The following ZNF804B variants were observed in gnomAD, a reference collection of about 807,000 sequenced individuals.
ZNF804B encodes the protein zinc finger 804B.
Under a neutral mutation model 101.4 loss-of-function variants are expected in ZNF804B, and 80 were observed. The ratio of observed to expected loss-of-function variants is 0.79; its 90% CI spans 0.66 to 0.95. ZNF804B has a LOEUF of 0.95. Ranked by LOEUF, ZNF804B falls within the 40% of genes least tolerant of loss-of-function variation. The probability of loss-of-function intolerance (pLI) is 0.00; values close to 1 mark genes in which losing one functional copy is unlikely to be tolerated. For missense variants in ZNF804B, 1,673 were observed against 1,561.9 expected, an observed-to-expected ratio of 1.07 and a Z score of -1.20; for synonymous variants, 622 against 558.8, an observed-to-expected ratio of 1.11 and a Z score of -1.59.
chr7:89,054,279 A>G (rs1323458510), intron 1 of ZNF804B, among the ~76,000 whole-genome samples: 1 of 147,996 alleles, frequency 6.8e-6, no homozygotes, highest in African/African-American at 2.4e-5. Context: ...ATATTCATAT[A>G]TACTTATATA....
At chr7:89,156,056 C>CT (rs1790964794) in intron 1 of ZNF804B, among the ~76,000 whole-genome samples, 1 of 77,216 alleles carries the variant, frequency 1.3e-5, no homozygotes, top group African/African-American at 4.5e-5. Context: ...TTCTTTCTTT[C>CT]TTTCTTTCTT....
At chr7:88,945,206 G>A (rs1215798615) in intron 1 of ZNF804B, among the ~76,000 whole-genome samples, 1 of 152,006 alleles carries the variant, frequency 6.6e-6, no homozygotes, top group African/African-American at 2.4e-5. Context: ...TCCTTCTAGG[G>A]TTTTTATGGC....
intron 2 of ZNF804B, among the ~76,000 whole-genome samples, chr7:89,222,231 A>G (rs906224964): frequency 6.6e-6 from 1 of 151,986 alleles, no homozygotes; most frequent in African/African-American, 2.4e-5. Flanking sequence ...CTTGGGGATC[A>G]CTTTAGAAAT....
At chr7:89,223,210 T>C (rs1426110629) in intron 2 of ZNF804B, among the ~76,000 whole-genome samples, 2 of 151,898 alleles carry the variant, frequency 1.3e-5, no homozygotes, top group African/African-American at 4.8e-5. Flanking sequence ...GCTGGCTTCT[T>C]CTGTTGACCT....
chr7:89,090,322 T>C (rs1316643756), intron 1 of ZNF804B, among the ~76,000 whole-genome samples: 2 of 151,978 alleles, frequency 1.3e-5, no homozygotes, highest in Non-Finnish European at 2.9e-5. Flanking sequence ...TAAGTAAATA[T>C]GAAAATTTTT....
chr7:89,126,052 C>A (rs1790470817), intron 1 of ZNF804B, among the ~76,000 whole-genome samples: 3 of 151,722 alleles, frequency 2.0e-5, no homozygotes, highest in African/African-American at 7.3e-5. Flanking sequence ...TTGTCCATGG[C>A]AATTCAACTG....
intron 1 of ZNF804B, among the ~76,000 whole-genome samples, chr7:88,771,244 A>C (rs2115631718): frequency 6.6e-6 from 1 of 152,264 alleles, no homozygotes; most frequent in East Asian, 1.9e-4. Context: ...CATTAGTTTT[A>C]AATAAAATGT....
intron 1 of ZNF804B, among the ~76,000 whole-genome samples, chr7:88,880,050 G>GA (rs35762260): frequency 0.47 from 67,923 of 144,948 alleles, 17,114 homozygotes; most frequent in African/African-American, 0.69. Context: ...TCTTAAAAAA[G>GA]AAAAAAAAAA....
At chr7:88,819,619 G>A (rs1790943352) in intron 1 of ZNF804B, among the ~76,000 whole-genome samples, 1 of 152,068 alleles carries the variant, frequency 6.6e-6, no homozygotes, top group African/African-American at 2.4e-5. Flanking sequence ...ACACAAAAGT[G>A]CTAAGTGTAT....
chr7:88,925,109 C>G (rs1792776805), intron 1 of ZNF804B, among the ~76,000 whole-genome samples: 1 of 152,238 alleles, frequency 6.6e-6, no homozygotes, highest in African/African-American at 2.4e-5. Context: ...TATCAGTGGA[C>G]TCTTCATTAT....
At chr7:88,896,083 G>A (rs1245043202) in intron 1 of ZNF804B, among the ~76,000 whole-genome samples, 1 of 152,114 alleles carries the variant, frequency 6.6e-6, no homozygotes, top group Admixed American at 6.5e-5. Flanking sequence ...ACTACCTTAG[G>A]CAGGTGATTA....
intron 1 of ZNF804B, among the ~76,000 whole-genome samples, chr7:89,009,376 A>C (rs1562858466): frequency 6.6e-6 from 1 of 152,154 alleles, no homozygotes; most frequent in Non-Finnish European, 1.5e-5. Context: ...TCTCAATTTC[A>C]ATCACATAAT....
chr7:89,332,903 A>C (rs1474145667), intron 3 of ZNF804B, among the ~76,000 whole-genome samples: 1 of 151,886 alleles, frequency 6.6e-6, no homozygotes, highest in African/African-American at 2.4e-5. Flanking sequence ...AAACCCAAGG[A>C]GCTAAACATT....
chr7:89,162,386 C>A (rs912517182), intron 1 of ZNF804B, among the ~76,000 whole-genome samples: 3 of 152,028 alleles, frequency 2.0e-5, no homozygotes, highest in Non-Finnish European at 4.4e-5. Context: ...TCTGTCTAAC[C>A]AAAGTCAAAT....
At chr7:88,980,177 C>T (rs1269802905) in intron 1 of ZNF804B, among the ~76,000 whole-genome samples, 1 of 151,792 alleles carries the variant, frequency 6.6e-6, no homozygotes, top group East Asian at 1.9e-4. Flanking sequence ...CTCTTTATTA[C>T]AATTATCTGG....
At chr7:89,207,984 T>C (rs1214259989) in intron 1 of ZNF804B, among the ~76,000 whole-genome samples, 1 of 152,162 alleles carries the variant, frequency 6.6e-6, no homozygotes, top group Non-Finnish European at 1.5e-5. Flanking sequence ...TGTTCTGTAT[T>C]AGAGAAACTG....
chr7:88,894,012 A>G (rs546744043), intron 1 of ZNF804B, among the ~76,000 whole-genome samples: 178 of 152,240 alleles, frequency 1.2e-3, no homozygotes, highest in Non-Finnish European at 2.1e-3. Context: ...ATTCTCCAAA[A>G]TATTAAGATA....
chr7:89,012,469 T>C (rs1788480387), intron 1 of ZNF804B, among the ~76,000 whole-genome samples: 1 of 152,178 alleles, frequency 6.6e-6, no homozygotes, highest in Non-Finnish European at 1.5e-5. Context: ...TCTGCTTTCC[T>C]TTTAAACATT....
intron 1 of ZNF804B, among the ~76,000 whole-genome samples, chr7:88,915,888 A>G (rs1483282648): frequency 6.6e-6 from 1 of 151,972 alleles, no homozygotes; most frequent in African/African-American, 2.4e-5. Context: ...ATGTATTTAA[A>G]CATGTTGTGA....
Sources: allele counts gnomAD v4.1 joint callset (sites outside exome capture counted in the v4.1 genomes callset), GRCh38; gene constraint gnomAD v4.1.1; transcripts MANE v1.5; gene names NCBI Gene and HGNC (gene_info 2026-07-23, HGNC 2026-07-21).